ZC3H13: variants seen among roughly 807,000 people sequenced by gnomAD.
ZC3H13 encodes the protein zinc finger CCCH domain-containing protein 13.
Under a neutral mutation model 204.1 loss-of-function variants are expected in ZC3H13, and 64 were observed. The observed-to-expected ratio is 0.31, with a 90% confidence interval of 0.26 to 0.39. The LOEUF (loss-of-function observed/expected upper bound fraction) is 0.39. Among genes scored for constraint, ZC3H13 ranks in the 10% least tolerant of loss-of-function variants. ZC3H13 has a pLI of 1.00. For synonymous variants in ZC3H13, 667 were observed against 693.7 expected (o/e 0.96, Z 0.60); for missense variants, 1,833 against 2,082.7 (o/e 0.88, Z 2.33).
At chr13:46,043,425 C>G (rs1044302893) in intron 3 of ZC3H13, among the ~76,000 whole-genome samples, 4 of 151,834 alleles carry the variant, frequency 2.6e-5, no homozygotes, top group Middle Eastern at 6.4e-3. Flanking sequence ...CTTAAGTGCT[C>G]TAAATTATAA....
At chr13:45,964,071 T>A (rs752978089) in intron 16 of ZC3H13, 29 bp from the exon 17 acceptor site, 11 of 1,585,830 alleles carry the variant, frequency 6.9e-6, no homozygotes, top group Non-Finnish European at 8.6e-6. Context: ...TAAGATTTGT[T>A]TTACACCAAG....
chr13:46,042,212 G>T lies in ZC3H13; in HGVS notation c.291C>A (p.Asp97Glu). The T allele has an allele frequency of 6.2e-7, 1 of 1,613,506 alleles. No homozygotes were observed. Among genetic ancestry groups the T allele is most frequent in the Non-Finnish European group, 8.5e-7 (1 of 1,179,556 alleles). Residue 97 changes from aspartate (D) to glutamate (E), a missense_variant, in exon 4 of 19, where the codon GAC becomes GAA. By Grantham distance (45) the Asp-to-Glu change is conservative. Transcript: ENST00000679008. ...CTGTATTTCGTTTCTGGGGCTCAGT[G>T]TCCACGTCTTGGCGCTTGTTCTTCA... The part of the protein sequence containing the change: ...ERMKNKRQDV[D>E]TEPQKRNTEE...
intron 10 of ZC3H13, among the ~76,000 whole-genome samples, chr13:45,982,578 C>G (rs1953741482): frequency 6.6e-6 from 1 of 152,058 alleles, no homozygotes; most frequent in Non-Finnish European, 1.5e-5. Flanking sequence ...CAGCTGCCAG[C>G]AAAACAATCT....
intron 4 of ZC3H13, among the ~76,000 whole-genome samples, chr13:46,032,170 A>G (rs1466274065): frequency 6.6e-6 from 1 of 152,196 alleles, no homozygotes; most frequent in African/African-American, 2.4e-5. Context: ...CAAGTCCTGC[A>G]TATGCTGGGG....
rs916633086 is a variant in ZC3H13, at chr13:45,970,386, C to T, written c.2548G>A (p.Ala850Thr). 3 of 1,613,762 alleles carry T rather than the reference C, an allele frequency of 1.9e-6. No individual in the cohort carries two copies. The highest frequency in any genetic ancestry group is 2.7e-5 in the African/African-American group (2 of 74,906). The change falls in exon 13 of 19, where the codon GCC (alanine) becomes ACC (threonine). Residue 850 changes from alanine to threonine, a missense_variant. This residue lies in a region of ZC3H13 where 1,574 missense variants were observed against 1,757.2 expected (regional missense o/e 0.90). Transcript: ENST00000679008. The stretch of plus-strand genomic sequence containing the variant: ...CTTTTATCATCTCCACTGTTGTAGG[C>T]ATCACTGTCCGGAGAATGTTCACGC... ...RRREHSPDSDAYNSGDDKNEK... is the reference protein window; with the variant it reads ...RRREHSPDSDTYNSGDDKNEK...
chr13:45,972,381 G>C (rs1053760704), intron 12 of ZC3H13, among the ~76,000 whole-genome samples: 4 of 152,108 alleles, frequency 2.6e-5, no homozygotes, highest in Non-Finnish European at 5.9e-5. Flanking sequence ...CTGTAAGTGA[G>C]AGCTAAGCTA....
In ZC3H13 at chr13:45,969,445, A is replaced by T; in HGVS notation, c.3099T>A (p.Thr1033=). 6.2e-7 allele frequency: 1 copy of T among 1,613,768 alleles called. No individual in the cohort carries two copies. Among genetic ancestry groups the T allele is most frequent in the East Asian group, 2.2e-5 (1 of 44,872 alleles). The change falls in exon 14 of 19, where the codon ACT becomes ACA. Residue 1033 remains threonine, a synonymous_variant. Transcript: ENST00000679008. ...ATTCCTCTTTAGTTGTTATAGGGGG[A>T]GTCCGTGGGCCTCTTTTCTTCTTAC... is the stretch of plus-strand genomic sequence containing the variant. ...QQSKKKRGPR[T]PPITTKEELV...
At chr13:46,039,226 T>A (rs2043406637) in intron 4 of ZC3H13, among the ~76,000 whole-genome samples, 3 of 152,170 alleles carry the variant, frequency 2.0e-5, no homozygotes, top group Admixed American at 2.0e-4. Flanking sequence ...CTTAACAAAA[T>A]GCCAACTTTA....
At chr13:46,031,543 T>C (rs940344539) in intron 4 of ZC3H13, among the ~76,000 whole-genome samples, 6 of 151,906 alleles carry the variant, frequency 3.9e-5, no homozygotes, top group East Asian at 1.9e-4. Context: ...ACATATGCAA[T>C]AAGGACTGTT....
Position 46,020,371 on chromosome 13 carries a change from G to A in ZC3H13, c.448+78C>T, listed in dbSNP as rs1593707228. ...GAAACGAGAGGGATCACAGTCGAAA[G>A]GTGTTCTGAAGCCCACGAAAACTCT... On this transcript the variant is annotated intron_variant, in intron 5 of 18. Transcript: ENST00000679008. 7.0e-6 allele frequency: 7 copies of A among 997,452 alleles called. No homozygotes were observed. In the East Asian group the frequency reaches 1.7e-4, roughly 25 times the overall value. 61.8% of individuals were successfully genotyped at this position (997,452 alleles called of 1,614,324 possible). A position where few individuals can be genotyped will look rare whatever the true frequency, so the allele number is the denominator to read the frequency against.
chr13:45,964,168 C>T (rs983641733), intron 16 of ZC3H13, 126 bp from the exon 17 acceptor site: 1 of 805,182 alleles, frequency 1.2e-6, no homozygotes, highest in Non-Finnish European at 1.9e-6. Context: ...CCAAAAATGT[C>T]CTATTCTTAA....
At chr13:45,975,885 C>A in intron 11 of ZC3H13, 47 bp from the exon 12 acceptor site, 1 of 1,582,132 alleles carries the variant, frequency 6.3e-7, no homozygotes, top group Non-Finnish European at 8.6e-7. Context: ...GACAGATAAC[C>A]TATTGGTAAG....
rs1290512043 is a variant in ZC3H13, at chr13:46,052,480, A to C, written c.-86T>G. ...GCCGCTCCGAGGAGCGGGGGAGGCG[A>C]CTCTGTCCCCGCGCCTGGACCCAGG... On this transcript the variant is annotated 5_prime_UTR_variant, in exon 1 of 19. Coordinates refer to ENST00000679008, the MANE Select transcript of ZC3H13 (RefSeq NM_001330564.2). 1 of 398,082 alleles carries C rather than the reference A, an allele frequency of 2.5e-6. No individual in the cohort carries two copies. The highest frequency in any genetic ancestry group is 4.4e-6 in the Non-Finnish European group (1 of 225,948). The allele number at this position is 398,082 out of a possible 1,614,324, so 24.7% of individuals were successfully genotyped here.
intron 1 of ZC3H13, among the ~76,000 whole-genome samples, chr13:46,046,655 G>A (rs1017773282): frequency 1.1e-4 from 14 of 132,320 alleles, no homozygotes; most frequent in African/African-American, 3.6e-4. Context: ...GCGACAAAGC[G>A]AGACTCCATC....
chr13:46,011,924 T>G (rs2041591210), intron 5 of ZC3H13, among the ~76,000 whole-genome samples: 1 of 152,168 alleles, frequency 6.6e-6, no homozygotes, highest in African/African-American at 2.4e-5. Context: ...ACGATGCGAC[T>G]CATTATCTCC....
chr13:46,009,413 T>C (rs1248682734), intron 7 of ZC3H13, among the ~76,000 whole-genome samples: 6 of 152,056 alleles, frequency 3.9e-5, no homozygotes, highest in Non-Finnish European at 2.9e-5. Context: ...TTCACCTGTG[T>C]GGGTGGTGGG....
At chr13:45,995,836 T>C (rs558695031) in intron 8 of ZC3H13, among the ~76,000 whole-genome samples, 1 of 152,318 alleles carries the variant, frequency 6.6e-6, no homozygotes, top group South Asian at 2.1e-4. Flanking sequence ...TCCCAGGTAT[T>C]TCTTTATAGC....
chr13:45,966,873 A>G lies in ZC3H13; in HGVS notation c.4321+631T>C, dbSNP rs369869742. Among the ~76,000 whole-genome samples the G allele has an allele frequency of 3.5e-4, 53 of 152,314 alleles. 1 individual carries two copies. The highest frequency in any genetic ancestry group is 1.2e-3 in the African/African-American group (50 of 41,562). The stretch of plus-strand genomic sequence containing the variant: ...ATCAGGAAATGGTATGAGTGGGTAC[A>G]AAGAAGGGCAGAGAATGGAAAGGCA... On this transcript the variant is annotated intron_variant, in intron 15 of 18. Coordinates refer to ENST00000679008, the MANE Select transcript of ZC3H13 (RefSeq NM_001330564.2).
chr13:45,961,503 A>G (rs910500837), intron 17 of ZC3H13, among the ~76,000 whole-genome samples: 13 of 139,750 alleles, frequency 9.3e-5, no homozygotes, highest in Non-Finnish European at 1.9e-4. Flanking sequence ...CTTAACCAAC[A>G]GAGAGTAGAA....
Sources: gnomAD v4.1 joint callset for allele counts (sites outside exome capture counted in the v4.1 genomes callset) on GRCh38, gnomAD v4.1.1 for gene constraint, gnomAD v4.1.1 regional missense constraint, MANE v1.5 for transcripts, NCBI Gene and HGNC (gene_info 2026-07-23, HGNC 2026-07-21) for gene names.